SEMA4D: variants seen among roughly 807,000 people sequenced by gnomAD.
SEMA4D encodes the protein semaphorin 4D, also known as semaphorin-4D.
SEMA4D carries 22 observed loss-of-function variants against 74.8 expected under a neutral mutation model. That is an observed-to-expected ratio of 0.29 (90% CI 0.21 to 0.42). The LOEUF is 0.42. SEMA4D is among the 10% of genes least tolerant of loss of function. The pLI, the probability that SEMA4D is intolerant of heterozygous loss-of-function variation, is 1.00. For missense variants in SEMA4D, 937 were observed against 1,118.4 expected, an observed-to-expected ratio of 0.84 and a Z score of 2.31; for synonymous variants, 445 against 463.7, an observed-to-expected ratio of 0.96 and a Z score of 0.52.
At chr9:89,449,440 C>A (rs1040784698) in intron 2 of SEMA4D, 2 of 608,740 alleles carry the variant, frequency 3.3e-6, no homozygotes, top group Admixed American at 5.5e-5. Context: ...ACTAAGTTCG[C>A]GGCTTTCGCT....
chr9:89,436,606 CCTTTTA>C (rs1206553753), intron 2 of SEMA4D: 1 of 152,408 alleles, frequency 6.6e-6, no homozygotes, highest in Non-Finnish European at 1.5e-5. Context: ...CCATTCTCTT[CCTTTTA>C]AACAGCGGGG....
chr9:89,475,749 C>T (rs1415726607), intron 1 of SEMA4D, among the ~76,000 whole-genome samples: 9 of 152,268 alleles, frequency 5.9e-5, no homozygotes, highest in East Asian at 1.9e-4. Flanking sequence ...GATAAGAGCA[C>T]GCCAGGCACA....
chr9:89,492,758 T>C lies in SEMA4D; in HGVS notation c.-310+5161A>G, dbSNP rs1825728770. Among the ~76,000 whole-genome samples, 1 of 152,082 alleles carries C rather than the reference T, an allele frequency of 6.6e-6. No individual in the cohort carries two copies. The highest frequency in any genetic ancestry group is 1.5e-5 in the Non-Finnish European group (1 of 68,016). On this transcript the variant is annotated intron_variant, in intron 1 of 15. Transcript: ENST00000422704. The surrounding 1 kb of genome is among the most constrained non-coding windows in gnomAD (Gnocchi z 4.3). ...CTCCGTCTTCGCAGAACACCTGCAATCAGCCTGCCTCCCACCCGAGGAGAC... is the reference window on the plus strand; with the variant it reads ...CTCCGTCTTCGCAGAACACCTGCAACCAGCCTGCCTCCCACCCGAGGAGAC...
chr9:89,451,333 T>A (rs1440400432), intron 2 of SEMA4D, among the ~76,000 whole-genome samples: 2 of 152,244 alleles, frequency 1.3e-5, no homozygotes, highest in Non-Finnish European at 2.9e-5. Context: ...GAGCCTTCAC[T>A]TATGAAGCAA....
chr9:89,440,472 C>T (rs567301077), intron 2 of SEMA4D, among the ~76,000 whole-genome samples: 15 of 151,288 alleles, frequency 9.9e-5, no homozygotes, highest in African/African-American at 3.1e-4. Context: ...ACCTCCCACC[C>T]GCACCCATCA....
chr9:89,369,908 T>TTGGTG (rs1165211410), intron 16 of SEMA4D, among the ~76,000 whole-genome samples: 3 of 150,434 alleles, frequency 2.0e-5, no homozygotes, highest in South Asian at 2.1e-4. Context: ...GTGGATGTGA[T>TTGGTG]TGGTGTGGTG....
chr9:89,454,121 G>C (rs1250706566), intron 2 of SEMA4D, among the ~76,000 whole-genome samples: 1 of 152,090 alleles, frequency 6.6e-6, no homozygotes, highest in East Asian at 1.9e-4. Flanking sequence ...CTTTGCAAAT[G>C]GTCTTGTGTA....
At chr9:89,439,210 A>AAC (rs1406783433) in intron 2 of SEMA4D, among the ~76,000 whole-genome samples, 4 of 151,516 alleles carry the variant, frequency 2.6e-5, no homozygotes, top group Non-Finnish European at 5.9e-5. Context: ...TCAAACTCCT[A>AAC]ACCTCATGAT....
At position 89,379,523 on chromosome 9, in the gene SEMA4D, C is replaced by G; in HGVS notation, c.1770G>C (p.Gln590His). Reference protein sequence around the residue: ...SNLARVFWKFQNGVLKAESPK... With the variant: ...SNLARVFWKFHNGVLKAESPK... ...GGCTCTCGGCCTTCAACACGCCATT[C>G]TGGAACTTCCAAAAGACCCGGGCCA... The change falls in exon 16 of 16, where the codon CAG becomes CAC. Residue 590 changes from glutamine to histidine, a missense_variant. Transcript: ENST00000422704. 1.2e-6 allele frequency: 2 copies of G among 1,614,200 alleles called. No individual in the cohort carries two copies.
chr9:89,478,320 G>A (rs978876668), intron 1 of SEMA4D, among the ~76,000 whole-genome samples: 6 of 152,160 alleles, frequency 3.9e-5, no homozygotes, highest in South Asian at 2.1e-4. Context: ...AAAGACAGAC[G>A]CAGACGCCAT....
chr9:89,362,141 G>C (rs1404823990), exon 19 of SEMA4D: 4 of 589,222 alleles, frequency 6.8e-6, no homozygotes, highest in Non-Finnish European at 1.2e-5. Context: ...TTACCTGCTT[G>C]TGCCAGACAG....
chr9:89,452,607 A>G (rs1434369051), intron 2 of SEMA4D, among the ~76,000 whole-genome samples: 1 of 151,804 alleles, frequency 6.6e-6, no homozygotes, highest in Non-Finnish European at 1.5e-5. Flanking sequence ...ATGAGCCACC[A>G]CGCCCGGCTA....
intron 2 of SEMA4D, among the ~76,000 whole-genome samples, chr9:89,429,906 G>A (rs1046240645): frequency 4.6e-5 from 7 of 152,154 alleles, no homozygotes; most frequent in African/African-American, 1.4e-4. Context: ...GTGGGTTTCT[G>A]TTTGGGGTCA....
intron 2 of SEMA4D, among the ~76,000 whole-genome samples, chr9:89,430,474 G>C (rs1849032846): frequency 6.6e-6 from 1 of 152,206 alleles, no homozygotes; most frequent in Non-Finnish European, 1.5e-5. Flanking sequence ...CAGCAGCCAG[G>C]CTCGGAGGAC....
intron 1 of SEMA4D, among the ~76,000 whole-genome samples, chr9:89,474,716 G>A (rs1861329669): frequency 1.3e-5 from 2 of 152,190 alleles, no homozygotes; most frequent in Admixed American, 1.3e-4. Context: ...GTCAGCTTCT[G>A]CCTGACAGAC....
intron 2 of SEMA4D, among the ~76,000 whole-genome samples, chr9:89,437,527 C>T (rs895678159): frequency 1.3e-5 from 2 of 152,240 alleles, no homozygotes; most frequent in African/African-American, 4.8e-5. Context: ...GCGGCAGCGA[C>T]AGGCACTCCC....
At chr9:89,425,302 C>A (rs751989930) in intron 2 of SEMA4D, among the ~76,000 whole-genome samples, 1 of 152,232 alleles carries the variant, frequency 6.6e-6, no homozygotes, top group Non-Finnish European at 1.5e-5. Flanking sequence ...AAGGCCAGGG[C>A]AACCTCAGAC....
At position 89,445,978 on chromosome 9, in the gene SEMA4D, G is replaced by A. The variant is rs557034130; in HGVS notation, c.-244+9910C>T. Among the ~76,000 whole-genome samples the A allele has an allele frequency of 1.6e-4, 24 of 152,162 alleles. 1 individual carries two copies. In the South Asian group the frequency reaches 1.9e-3, roughly 12 times the overall value. On this transcript the variant is annotated intron_variant, in intron 2 of 15. Coordinates refer to ENST00000422704, the MANE Select transcript of SEMA4D (RefSeq NM_001371194.2). Reference sequence around the variant, plus strand: ...AGATGAGACGAGACCCTCATGTCCCGGACCCCCTCCCTTCCAGGCCCTGCC... The same window carrying A: ...AGATGAGACGAGACCCTCATGTCCCAGACCCCCTCCCTTCCAGGCCCTGCC...
chr9:89,373,755 C>A (rs1215671997), downstream of SEMA4D, among the ~76,000 whole-genome samples: 1 of 152,206 alleles, frequency 6.6e-6, no homozygotes, highest in Non-Finnish European at 1.5e-5. Flanking sequence ...AAGCGGTAGG[C>A]CTGTGCCTTG....
Sources: allele counts gnomAD v4.1 joint callset (sites outside exome capture counted in the v4.1 genomes callset), GRCh38; gene constraint gnomAD v4.1.1; non-coding constraint Gnocchi (gnomAD v3.1); transcripts MANE v1.5; gene names NCBI Gene and HGNC (gene_info 2026-07-23, HGNC 2026-07-21).